The following GPBP1 variants were observed in gnomAD, a reference collection of about 807,000 sequenced individuals.
The protein encoded by GPBP1 is vasculin.
A neutral mutation model predicts 56.5 loss-of-function variants in GPBP1; 13 were observed. The ratio of observed to expected loss-of-function variants is 0.23; its 90% CI spans 0.15 to 0.37. The LOEUF (loss-of-function observed/expected upper bound fraction) is 0.37. GPBP1 is among the 10% of genes least tolerant of loss of function. GPBP1 has a pLI of 1.00. For missense variants in GPBP1, 477 were observed against 572.3 expected (o/e 0.83, Z 1.70); for synonymous variants, 204 against 188.9 (o/e 1.08, Z -0.66).
chr5:57,256,501 T>C (rs1022365549), intron 10 of GPBP1, among the ~76,000 whole-genome samples: 3 of 152,160 alleles, frequency 2.0e-5, no homozygotes, highest in African/African-American at 7.2e-5. Context: ...CCAAGTTTTT[T>C]TCCCTTAAAC....
intron 2 of GPBP1, among the ~76,000 whole-genome samples, chr5:57,183,580 T>G (rs1297521637): frequency 6.6e-6 from 1 of 151,940 alleles, no homozygotes; most frequent in African/African-American, 2.4e-5. Flanking sequence ...GAATTTAAGA[T>G]GTCAGTGAGC....
chr5:57,219,433 A>AAG (rs753075871), intron 3 of GPBP1, among the ~76,000 whole-genome samples: 29 of 109,416 alleles, frequency 2.7e-4, no homozygotes, highest in Middle Eastern at 4.5e-3. Context: ...AAAAAAAACA[A>AAG]CAAAACCACA....
At chr5:57,261,459 G>C (rs1020111408) in intron 11 of GPBP1, among the ~76,000 whole-genome samples, 177 bp downstream of exon 11, 7 of 151,846 alleles carry the variant, frequency 4.6e-5, no homozygotes, top group Admixed American at 4.6e-4. Context: ...CTGGCCTCTA[G>C]AACTCCTGGG....
chr5:57,201,394 ATT>A (rs1034799982), intron 2 of GPBP1, among the ~76,000 whole-genome samples: 2 of 152,072 alleles, frequency 1.3e-5, no homozygotes, highest in African/African-American at 4.8e-5. Context: ...ATTTTTAAAA[ATT>A]TTTAGTAGGG....
At chr5:57,177,216 T>G (rs1178039777) in intron 2 of GPBP1, among the ~76,000 whole-genome samples, 7 of 152,202 alleles carry the variant, frequency 4.6e-5, no homozygotes, top group African/African-American at 1.4e-4. Flanking sequence ...TAATAGAAAT[T>G]GTTTTGACAG....
At chr5:57,249,096 A>G (rs1046396261) in intron 8 of GPBP1, 4 of 196,330 alleles carry the variant, frequency 2.0e-5, no homozygotes, top group African/African-American at 9.3e-5. Context: ...ACACAGTTTG[A>G]AAAGCTGCTC....
intron 2 of GPBP1, among the ~76,000 whole-genome samples, chr5:57,202,086 C>T (rs145372133): frequency 6.6e-6 from 1 of 152,246 alleles, no homozygotes; most frequent in East Asian, 1.9e-4. Context: ...CTTGACTTCC[C>T]AGGTTCAGGT....
chr5:57,251,577 T>C (rs6883778), intron 10 of GPBP1, among the ~76,000 whole-genome samples: 3,746 of 143,820 alleles, frequency 0.026, 158 homozygotes, highest in African/African-American at 0.088. Context: ...TTCCACCTCT[T>C]TTTTTTTTTT....
chr5:57,217,208 T>C lies in GPBP1; in HGVS notation c.63+3015T>C, dbSNP rs183979662. The stretch of plus-strand genomic sequence containing the variant: ...GATAAAAAGTTGTAATACAATTTTT[T>C]TGGTCAAGTTATTTTGTTAGGGGAG... On this transcript the variant is annotated intron_variant, in intron 3 of 11. Transcript: ENST00000506184. Among the ~76,000 whole-genome samples, 7 of 152,274 alleles carry C rather than the reference T, an allele frequency of 4.6e-5. No individual in the cohort carries two copies. In the East Asian group the frequency reaches 1.4e-3, roughly 29 times the overall value.
chr5:57,175,222 T>C (rs1753747437), intron 1 of GPBP1, among the ~76,000 whole-genome samples: 1 of 152,194 alleles, frequency 6.6e-6, no homozygotes, highest in Admixed American at 6.5e-5. Flanking sequence ...GCCCTTGCCC[T>C]CCATAATACC....
intron 2 of GPBP1, among the ~76,000 whole-genome samples, chr5:57,203,511 TACAC>T (rs1220768215): frequency 6.6e-6 from 1 of 152,066 alleles, no homozygotes; most frequent in Non-Finnish European, 1.5e-5. Flanking sequence ...CATGTGGTGC[TACAC>T]ACCTGTGTAA....
At chr5:57,237,090 A>C in intron 6 of GPBP1, 1 of 1,517,714 alleles carries the variant, frequency 6.6e-7, no homozygotes, top group East Asian at 2.5e-5. Flanking sequence ...ATTGCAAATT[A>C]GTATTTCTAC....
chr5:57,178,879 C>T (rs920162334), intron 2 of GPBP1, among the ~76,000 whole-genome samples: 3 of 151,942 alleles, frequency 2.0e-5, no homozygotes, highest in Non-Finnish European at 4.4e-5. Context: ...TTGTCCCTTT[C>T]TAAACTGTAG....
rs953901080 is a variant in GPBP1, at chr5:57,208,633, G to A, written c.-57-5441G>A. Among the ~76,000 whole-genome samples the A allele has an allele frequency of 2.0e-4, 31 of 151,428 alleles. No individual in the cohort carries two copies. In the East Asian group the frequency reaches 5.0e-3, roughly 25 times the overall value. ...TTGAGTTTCCCAGTCCTCAAACACA[G>A]GGATATCTGTCTTTTGTTTTTCTTT... On this transcript the variant is annotated intron_variant, in intron 2 of 11. Coordinates refer to ENST00000506184, the MANE Select transcript of GPBP1 (RefSeq NM_022913.4).
chr5:57,179,041 G>A (rs1753921829), intron 2 of GPBP1, among the ~76,000 whole-genome samples: 1 of 152,130 alleles, frequency 6.6e-6, no homozygotes, highest in Non-Finnish European at 1.5e-5. Context: ...TTAGGATTTA[G>A]GGGGGCTGAG....
intron 6 of GPBP1, among the ~76,000 whole-genome samples, chr5:57,242,182 C>T (rs1580064694): frequency 6.6e-6 from 1 of 152,184 alleles, no homozygotes; most frequent in Admixed American, 6.5e-5. Flanking sequence ...ACCTAAAATT[C>T]TTTTTTCCCT....
intron 10 of GPBP1, among the ~76,000 whole-genome samples, chr5:57,256,323 A>G (rs1741659651): frequency 6.6e-6 from 1 of 152,096 alleles, no homozygotes; most frequent in African/African-American, 2.4e-5. Flanking sequence ...GGGGAAAAAA[A>G]AACACCCCAT....
intron 5 of GPBP1, among the ~76,000 whole-genome samples, chr5:57,232,323 A>G (rs1181450299): frequency 6.6e-6 from 1 of 152,238 alleles, no homozygotes. Flanking sequence ...CTAATTAAGA[A>G]TAATTAGTAA....
intron 2 of GPBP1, among the ~76,000 whole-genome samples, chr5:57,205,963 C>T (rs564203338): frequency 1.1e-4 from 16 of 152,052 alleles, no homozygotes; most frequent in Non-Finnish European, 2.2e-4. Flanking sequence ...GATAGGGACT[C>T]ACTGTGTTGC....
Sources: allele counts gnomAD v4.1 joint callset (sites outside exome capture counted in the v4.1 genomes callset), GRCh38; gene constraint gnomAD v4.1.1; transcripts MANE v1.5; gene names NCBI Gene and HGNC (gene_info 2026-07-23, HGNC 2026-07-21).